Variants in FRMPD4 observed in about 807,000 individuals in gnomAD.
The protein encoded by FRMPD4 is FERM and PDZ domain containing 4.
A neutral mutation model predicts 94.1 loss-of-function variants in FRMPD4; 22 were observed. The ratio of observed to expected loss-of-function variants is 0.23; its 90% CI spans 0.17 to 0.33. The LOEUF (loss-of-function observed/expected upper bound fraction) is 0.33, where lower values mean the gene tolerates loss of function less well. FRMPD4 is among the 10% of genes least tolerant of loss of function. The probability of loss-of-function intolerance (pLI) is 1.00; values close to 1 mark genes in which losing one functional copy is unlikely to be tolerated. For missense variants in FRMPD4, 1,111 were observed against 1,339.9 expected, an observed-to-expected ratio of 0.83 and a Z score of 2.67; for synonymous variants, 631 against 548.6, an observed-to-expected ratio of 1.15 and a Z score of -2.10.
intron 1 of FRMPD4, among the ~76,000 whole-genome samples, chrX:12,371,649 T>C (rs1035430529): frequency 3.6e-5 from 4 of 111,782 alleles, no homozygotes; most frequent in Non-Finnish European, 7.5e-5. Context: ...TGCACAATGG[T>C]AGTTTCTGGG....
chrX:12,376,858 C>T (rs1201762059), intron 1 of FRMPD4, among the ~76,000 whole-genome samples: 1 of 112,716 alleles, frequency 8.9e-6, no homozygotes, highest in Non-Finnish European at 1.9e-5. Context: ...AATAGAGTTT[C>T]TTGATCTGCA....
At chrX:12,139,232 C>A (rs1350624323) in intron 1 of FRMPD4, among the ~76,000 whole-genome samples, 2 of 110,860 alleles carry the variant, frequency 1.8e-5, no homozygotes, top group African/African-American at 6.6e-5. Context: ...TACATACATG[C>A]CCTCACCAAC....
At chrX:12,040,953 A>G (rs999086247) in intron 3 of FRMPD4, among the ~76,000 whole-genome samples, 4 of 110,789 alleles carry the variant, frequency 3.6e-5, no homozygotes, top group African/African-American at 9.9e-5. Flanking sequence ...TCTATTATTA[A>G]AAAAAATTTC....
intron 1 of FRMPD4, among the ~76,000 whole-genome samples, chrX:12,379,693 G>A (rs1423693056): frequency 5.8e-5 from 6 of 102,840 alleles, no homozygotes; most frequent in Non-Finnish European, 1.2e-4. Flanking sequence ...GTATCTTTCA[G>A]AGGGCTTTTT....
In FRMPD4 at chrX:11,910,957, T is replaced by G. The variant is rs1228582548; in HGVS notation, c.95+32939T>G. ...GCCCACAAAAAAAAAAAAAACATCT[T>G]CCAAGAATCCCTTTAGAGAGATTGT... On this transcript the variant is annotated intron_variant, in intron 3 of 18. Coordinates refer to the FRMPD4 transcript ENST00000640291. 4.5e-5 allele frequency among the ~76,000 whole-genome samples: 5 copies of G among 111,151 alleles called. No individual in the cohort carries two copies. In the East Asian group the frequency reaches 1.4e-3, roughly 31 times the overall value.
At chrX:12,165,173 A>G (rs2056093638) in intron 1 of FRMPD4, among the ~76,000 whole-genome samples, 1 of 111,949 alleles carries the variant, frequency 8.9e-6, no homozygotes, top group Non-Finnish European at 1.9e-5. Context: ...TAGGGTTTTT[A>G]TGGTTTTAGG....
chrX:11,945,566 G>A (rs751582362), intron 3 of FRMPD4, among the ~76,000 whole-genome samples: 58 of 111,741 alleles, frequency 5.2e-4, no homozygotes, highest in Non-Finnish European at 1.1e-4. Context: ...TCACAGTTTT[G>A]CAGGTTATAC....
chrX:12,269,269 A>G lies in FRMPD4; in HGVS notation c.41+130257A>G, dbSNP rs138967630. Among the ~76,000 whole-genome samples the G allele has an allele frequency of 3.2e-3, 356 of 111,288 alleles. 1 individual carries two copies. Among genetic ancestry groups the G allele is most frequent in the African/African-American group, 0.011 (329 of 30,550 alleles). On this transcript the variant is annotated intron_variant, in intron 1 of 16. Transcript: ENST00000675598. Reference sequence around the variant, plus strand: ...AGCATAATAGGTGGAGCACTGCACTAGAAACCACACCGCTTGGCTCATTGG... The same window carrying G: ...AGCATAATAGGTGGAGCACTGCACTGGAAACCACACCGCTTGGCTCATTGG...
chrX:12,002,819 G>A (rs952023529), intron 3 of FRMPD4, among the ~76,000 whole-genome samples: 2 of 111,510 alleles, frequency 1.8e-5, no homozygotes, highest in Non-Finnish European at 3.8e-5. Context: ...GCATGCTTAA[G>A]CTTCTCAAGC....
intron 5 of FRMPD4, among the ~76,000 whole-genome samples, chrX:12,676,795 T>C (rs1324289892): frequency 8.9e-6 from 1 of 112,124 alleles, no homozygotes; most frequent in Admixed American, 9.5e-5. Context: ...CCGATGGCTC[T>C]TGCCGTTGTG....
At chrX:12,490,001 A>C (rs2057776220) in intron 1 of FRMPD4, among the ~76,000 whole-genome samples, 1 of 111,546 alleles carries the variant, frequency 9.0e-6, no homozygotes, top group Non-Finnish European at 1.9e-5. Context: ...AAAAGGACTG[A>C]TACAAGAGTC....
At chrX:12,132,846 T>C (rs996654186) in intron 3 of FRMPD4, among the ~76,000 whole-genome samples, 2 of 110,273 alleles carry the variant, frequency 1.8e-5, no homozygotes, top group Non-Finnish European at 3.8e-5. Flanking sequence ...ATGGATGGAA[T>C]AGATTCAAGA....
intron 1 of FRMPD4, among the ~76,000 whole-genome samples, chrX:12,151,143 TA>T (rs1046929777): frequency 9.0e-6 from 1 of 111,692 alleles, no homozygotes; most frequent in Non-Finnish European, 1.9e-5. Context: ...GGAAATGCTC[TA>T]TGGAGTGATA....
intron 1 of FRMPD4, chrX:12,341,735 C>T (rs1359136328): frequency 7.5e-6 from 2 of 265,095 alleles, no homozygotes; most frequent in East Asian, 2.2e-4. Flanking sequence ...TGTTATGACT[C>T]TTCCACAAAT....
intron 3 of FRMPD4, among the ~76,000 whole-genome samples, chrX:11,964,147 G>A (rs1041489624): frequency 1.0e-4 from 11 of 107,260 alleles, no homozygotes; most frequent in Non-Finnish European, 3.8e-5. Flanking sequence ...GGGATTCAGT[G>A]CTTTTTTTGT....
At chrX:12,380,781 G>A (rs892010500) in intron 1 of FRMPD4, among the ~76,000 whole-genome samples, 1 of 112,148 alleles carries the variant, frequency 8.9e-6, no homozygotes, top group African/African-American at 3.2e-5. Flanking sequence ...ATTATTTACA[G>A]AGCAGCCTTT....
chrX:12,520,828 C>T (rs936666699), intron 2 of FRMPD4, among the ~76,000 whole-genome samples: 2 of 112,186 alleles, frequency 1.8e-5, no homozygotes, highest in African/African-American at 6.5e-5. Context: ...TGTGGGTTGG[C>T]TTAAGCCAAG....
intron 3 of FRMPD4, among the ~76,000 whole-genome samples, chrX:12,118,998 AGACT>A (rs756957372): frequency 3.1e-4 from 35 of 111,322 alleles, no homozygotes; most frequent in African/African-American, 1.0e-3. Context: ...TCCCCACCAC[AGACT>A]GACTGCATTT....
In FRMPD4 at chrX:11,905,741, G is replaced by A. The variant is rs189790322; in HGVS notation, c.95+27723G>A. Among the ~76,000 whole-genome samples, 72 of 111,622 alleles carry A rather than the reference G, an allele frequency of 6.5e-4. No individual in the cohort carries two copies. The East Asian group carries it at 0.019, about 29-fold the overall frequency. ...ATCTTATAAACAAGTGGGAGAGATT[G>A]ACTTTAAATAGATAATTTTGATACA... On this transcript the variant is annotated intron_variant, in intron 3 of 18. Transcript: ENST00000640291.
Sources: allele counts gnomAD v4.1 joint callset (sites outside exome capture counted in the v4.1 genomes callset), GRCh38; gene constraint gnomAD v4.1.1; transcripts MANE v1.5; gene names NCBI Gene and HGNC (gene_info 2026-07-23, HGNC 2026-07-21).